Variants in DOCK6 observed in about 807,000 individuals in gnomAD.
The protein encoded by DOCK6 is dedicator of cytokinesis protein 6.
Under a neutral mutation model 230.3 loss-of-function variants are expected in DOCK6, and 167 were observed. The ratio of observed to expected loss-of-function variants is 0.73; its 90% CI spans 0.64 to 0.82. The LOEUF (loss-of-function observed/expected upper bound fraction) is 0.82, where lower values mean the gene tolerates loss of function less well. DOCK6 is among the 40% of genes least tolerant of loss of function. The probability of loss-of-function intolerance (pLI) is 0.00; values close to 1 mark genes in which losing one functional copy is unlikely to be tolerated. For missense variants in DOCK6, 2,598 were observed against 2,825.8 expected, an observed-to-expected ratio of 0.92 and a Z score of 1.83; for synonymous variants, 1,148 against 1,185.0, an observed-to-expected ratio of 0.97 and a Z score of 0.64.
rs372177293 is a variant in DOCK6 at position 11,238,260 on chromosome 19, C to T, written c.1688G>A (p.Arg563His). The T allele has an allele frequency of 2.9e-5, 47 of 1,612,704 alleles. No homozygotes were observed. Among genetic ancestry groups the T allele is most frequent in the African/African-American group, 4.0e-5 (3 of 74,866 alleles). The change falls in exon 15 of 48, where the codon CGC (arginine) becomes CAC (histidine). Residue 563 changes from arginine (R) to histidine (H), a missense_variant. Transcript: ENST00000294618. Reference protein sequence around the residue: ...VYPHSLNFSSRQGSVRNLAVR... With the variant: ...VYPHSLNFSSHQGSVRNLAVR... Reference sequence around the variant, plus strand: ...AGCAAGGTTGCGCACGGAGCCCTGGCGGCTGCTGAAGTTGAGGCTGTGCGG... The same window carrying T: ...AGCAAGGTTGCGCACGGAGCCCTGGTGGCTGCTGAAGTTGAGGCTGTGCGG...
chr19:11,241,489 C>A, intron 14 of DOCK6: 1 of 1,552,914 alleles, frequency 6.4e-7, no homozygotes, highest in Non-Finnish European at 8.7e-7. Context: ...CCCTCACAGG[C>A]CACGTGCAGC....
At chr19:11,209,922 C>T (rs1411846377) in intron 37 of DOCK6, among the ~76,000 whole-genome samples, 2 of 125,498 alleles carry the variant, frequency 1.6e-5, no homozygotes, top group African/African-American at 6.1e-5. Context: ...TGTCCACCTT[C>T]TCACCTGTCT....
In DOCK6 at chr19:11,212,009, C is replaced by T; in HGVS notation, c.4634G>A (p.Ser1545Asn). Residue 1545 changes from serine to asparagine, a missense_variant, in exon 36 of 48, where the codon AGC (serine) becomes AAC (asparagine). Coordinates refer to ENST00000294618, the MANE Select transcript of DOCK6 (RefSeq NM_020812.4). ...YAEEDMGLRD[S>N]TFAEQVQDLM... is the part of the protein sequence containing the mutation. ...AGGTGTCACCTGCTCTGCGAAGGTG[C>T]TGTCCCGCAGCCCCATGTCCTCCTC... 1 of 1,606,096 alleles carries T rather than the reference C, an allele frequency of 6.2e-7. No individual in the cohort carries two copies. The highest frequency in any genetic ancestry group is 8.5e-7 in the Non-Finnish European group (1 of 1,176,638).
rs1240559459 is a variant in DOCK6, at chr19:11,243,624, C to T, written c.1191G>A (p.Thr397=). 5.0e-6 allele frequency: 8 copies of T among 1,612,014 alleles called. No individual in the cohort carries two copies. The highest frequency in any genetic ancestry group is 1.3e-5 in the African/African-American group (1 of 74,918). The part of the protein sequence containing the change: ...LGRYRMPFAW[T]AVHLANIVSS... The stretch of plus-strand genomic sequence containing the variant: ...TCACGATGTTGGCCAAGTGCACGGC[C>T]GTCCAGGCGAAGGGCATGCGGTAGC... The change falls in exon 11 of 48, where the codon ACG becomes ACA. Residue 397 remains threonine, a synonymous_variant. Coordinates refer to ENST00000294618, the MANE Select transcript of DOCK6 (RefSeq NM_020812.4). This position sits in a 1 kb window ranked among gnomAD's most constrained non-coding sequence, Gnocchi z 6.3.
chr19:11,245,241 A>G (rs928425450), intron 9 of DOCK6, among the ~76,000 whole-genome samples: 2 of 152,226 alleles, frequency 1.3e-5, no homozygotes, highest in Non-Finnish European at 2.9e-5. Context: ...GAGGGTGCCA[A>G]CTATGTCTTT....
At position 11,227,350 on chromosome 19, in the gene DOCK6, G is replaced by A. The variant is rs75520001; in HGVS notation, c.2942C>T (p.Thr981Ile). 4.3e-6 allele frequency: 7 copies of A among 1,613,762 alleles called. No homozygotes were observed. The highest frequency in any genetic ancestry group is 1.7e-5 in the Admixed American group (1 of 60,004). ...LVGSVGLEVI[T>I]RVHKDVELAE... ...TGCATCTCTCACCTTGTGGACACGGGTGATGACCTCCAGGCCCACAGAGCC... is the reference window on the plus strand; with the variant it reads ...TGCATCTCTCACCTTGTGGACACGGATGATGACCTCCAGGCCCACAGAGCC... The change falls in exon 24 of 48, where the codon ACC (threonine) becomes ATC (isoleucine). Residue 981 changes from threonine to isoleucine, a missense_variant. Physicochemically the swap from Thr to Ile is moderately conservative, Grantham distance 89. Coordinates refer to ENST00000294618, the MANE Select transcript of DOCK6 (RefSeq NM_020812.4).
In DOCK6 at chr19:11,214,265, TG is replaced by T. The variant is rs1428217329; in HGVS notation, c.4338+9del. The T allele has an allele frequency of 6.2e-7, 1 of 1,601,786 alleles. No individual in the cohort carries two copies. The highest frequency in any genetic ancestry group is 8.5e-7 in the Non-Finnish European group (1 of 1,174,232). ...TTTTCTAAGAATCATGGTTGTTGAG[TG>T]GTGCTCACCTTGGACACAAGGGCCC... is the stretch of plus-strand genomic sequence containing the variant. On this transcript the variant is annotated intron_variant, in intron 34 of 47. Coordinates refer to ENST00000294618, the MANE Select transcript of DOCK6 (RefSeq NM_020812.4).
At position 11,241,878 on chromosome 19, in the gene DOCK6, TGGAGGAA is replaced by T. The variant is rs147901167; in HGVS notation, c.1643+160_1643+166del. On this transcript the variant is annotated intron_variant, in intron 14 of 47. Transcript: ENST00000294618. ...AGGATGTAGCCCCATTGGGGAGGGG[TGGAGGAA>T]GGACATGTACCCTTTCATGCCTACA... 1.9e-4 allele frequency: 242 copies of T among 1,254,136 alleles called. No homozygotes were observed. In the African/African-American group the frequency reaches 3.3e-3, roughly 17 times the overall value. 77.7% of individuals were successfully genotyped at this position (1,254,136 alleles called of 1,614,324 possible). A position where few individuals can be genotyped will look rare whatever the true frequency, so the allele number is the denominator to read the frequency against.
Position 11,235,685 on chromosome 19 carries a change from G to A in DOCK6, c.2467C>T (p.Gln823Ter). ...SLVHRSLEAAQDARGHCPQLA... is the reference protein window; with the variant it reads ...SLVHRSLEAA ...TGTGGGCAGTGACCGCGGGCATCCT[G>A]GGCTGCCTCCAGGCTCCGGTGAACA... is the stretch of plus-strand genomic sequence containing the variant. The change falls in exon 21 of 48, where the codon CAG becomes TAG. Residue 823 changes from glutamine to a stop codon, truncating the protein, a stop_gained. Coordinates refer to ENST00000294618, the MANE Select transcript of DOCK6 (RefSeq NM_020812.4). LOFTEE classifies it high-confidence loss of function. 6.2e-7 allele frequency: 1 copy of A among 1,602,156 alleles called. No individual in the cohort carries two copies. The highest frequency in any genetic ancestry group is 1.1e-5 in the South Asian group (1 of 88,560).
chr19:11,237,289 T>C (rs1330446162), intron 18 of DOCK6, 167 bp downstream of exon 18: 7 of 697,416 alleles, frequency 1.0e-5, no homozygotes, highest in Non-Finnish European at 7.4e-6. Flanking sequence ...GGGGAGGACA[T>C]GTAGGACACA....
At chr19:11,259,213 C>T (rs962442078) in intron 1 of DOCK6, among the ~76,000 whole-genome samples, 1 of 152,032 alleles carries the variant, frequency 6.6e-6, no homozygotes, top group Non-Finnish European at 1.5e-5. Flanking sequence ...CACCATCACA[C>T]CTGGGTAATT....
At position 11,237,707 on chromosome 19, in the gene DOCK6, G is replaced by A. The variant is rs1424073772; in HGVS notation, c.1905C>T (p.Phe635=). ...ACVTENHHLL[F]TFYHVSCQPR... ...GCTGGCAGCTGACATGGTAGAAGGT[G>A]AACAGCAGGTGATGGTTCTCTGTCA... Residue 635 remains phenylalanine (F), a synonymous_variant, in exon 17 of 48, where the codon TTC becomes TTT. Transcript: ENST00000294618. 6.3e-7 allele frequency: 1 copy of A among 1,589,782 alleles called. No individual in the cohort carries two copies. The highest frequency in any genetic ancestry group is 2.3e-5 in the East Asian group (1 of 43,732).
intron 7 of DOCK6, chr19:11,247,469 C>T (rs1298992065): frequency 1.3e-5 from 2 of 152,790 alleles, no homozygotes; most frequent in East Asian, 1.9e-4. Context: ...AGGAGGCCCA[C>T]CCAGGCCTCA....
At chr19:11,260,566 C>T (rs1303797608) in intron 1 of DOCK6, among the ~76,000 whole-genome samples, 1 of 148,722 alleles carries the variant, frequency 6.7e-6, no homozygotes, top group African/African-American at 2.5e-5. Flanking sequence ...GGTGACAGAG[C>T]AAGACCCTGT....
intron 24 of DOCK6, among the ~76,000 whole-genome samples, chr19:11,225,457 G>A (rs1338597255): frequency 6.6e-6 from 1 of 152,052 alleles, no homozygotes; most frequent in Non-Finnish European, 1.5e-5. Context: ...AAATCCAGAG[G>A]TCCCATTTCT....
chr19:11,242,059 G>T lies in DOCK6; in HGVS notation c.1629C>A (p.Pro543=), dbSNP rs936698112. The T allele has an allele frequency of 8.3e-6, 13 of 1,565,114 alleles. No individual in the cohort carries two copies. The South Asian group carries it at 1.2e-4, about 15-fold the overall frequency. Residue 543 remains proline, a synonymous_variant, in exon 14 of 48, where the codon CCC becomes CCA. Transcript: ENST00000294618. ...LEFPAREVYA[P]HTSYRNLLYV... ...AGAGGCCGTACCTGTAGCTGGTATG[G>T]GGGGCATAGACTTCGCGGGCGGGGA... is the stretch of plus-strand genomic sequence containing the variant.
Position 11,212,067 on chromosome 19 carries a change from G to A in DOCK6, c.4576C>T (p.Arg1526Ter), listed in dbSNP as rs374530179. 1.4e-5 allele frequency: 23 copies of A among 1,611,358 alleles called. No homozygotes were observed. Among genetic ancestry groups the A allele is most frequent in the African/African-American group, 1.1e-4 (8 of 74,850 alleles). The change falls in exon 36 of 48, where the codon CGA (arginine) becomes TGA (stop). Residue 1526 changes from arginine (R) to a stop codon, truncating the protein, a stop_gained. Coordinates refer to ENST00000294618, the MANE Select transcript of DOCK6 (RefSeq NM_020812.4). LOFTEE classifies it high-confidence loss of function. ...TTQNFSEEHLRRSLKTILTYA... is the reference protein window; with the variant it reads ...TTQNFSEEHL ...GTGAGGATGGTTTTGAGTGAACGTCGCAGGTGCTCTTCACTGAAGTTCTGC... is the reference window on the plus strand; with the variant it reads ...GTGAGGATGGTTTTGAGTGAACGTCACAGGTGCTCTTCACTGAAGTTCTGC...
intron 7 of DOCK6, among the ~76,000 whole-genome samples, chr19:11,246,704 A>G (rs1171777863): frequency 2.0e-5 from 3 of 152,040 alleles, no homozygotes; most frequent in South Asian, 4.2e-4. Flanking sequence ...GAAATTCTCA[A>G]CTTCCGGGTT....
chr19:11,202,447 C>T lies in DOCK6; in HGVS notation c.5398G>A (p.Glu1800Lys). 6.2e-7 allele frequency: 1 copy of T among 1,613,614 alleles called. No homozygotes were observed. Among genetic ancestry groups the T allele is most frequent in the Non-Finnish European group, 8.5e-7 (1 of 1,179,698 alleles). ...ACAGGGTTAGAGTCTTTGATAATCT[C>T]AACGACGTCGTCGCCAAATCTCTCC... ...YTERFGDDVV[E>K]IIKDSNPVDK... Residue 1800 changes from glutamate to lysine, a missense_variant, in exon 43 of 48, where the codon GAG becomes AAG. Transcript: ENST00000294618. The surrounding 1 kb of genome is among the most constrained non-coding windows in gnomAD (Gnocchi z 5.3).
Sources: gnomAD v4.1 joint callset for allele counts (sites outside exome capture counted in the v4.1 genomes callset) on GRCh38, gnomAD v4.1.1 for gene constraint, Gnocchi (gnomAD v3.1) non-coding constraint, MANE v1.5 for transcripts, NCBI Gene and HGNC (gene_info 2026-07-23, HGNC 2026-07-21) for gene names.